The following ITGA10 variants were observed in gnomAD, a reference collection of about 807,000 sequenced individuals.
The protein encoded by ITGA10 is integrin alpha-10.
A neutral mutation model predicts 145.2 loss-of-function variants in ITGA10; 105 were observed. The observed-to-expected ratio is 0.72, with a 90% CI of 0.62 to 0.85. ITGA10 has a LOEUF of 0.85. Ranked by LOEUF, ITGA10 falls within the 40% of genes least tolerant of loss-of-function variation. The pLI, the probability that ITGA10 is intolerant of heterozygous loss-of-function variation, is 0.00. For missense variants in ITGA10, 1,317 were observed against 1,444.5 expected, an observed-to-expected ratio of 0.91 and a Z score of 1.43; for synonymous variants, 506 against 557.8, an observed-to-expected ratio of 0.91 and a Z score of 1.31.
At position 145,901,679 on chromosome 1, in the gene ITGA10, A is replaced by G. The variant is rs782681397; in HGVS notation, c.1295-15T>C. 5.8e-6 allele frequency: 9 copies of G among 1,548,550 alleles called. No homozygotes were observed. The highest frequency in any genetic ancestry group is 2.0e-5 in the Admixed American group (1 of 49,482). On this transcript the variant is annotated splice_polypyrimidine_tract_variant and intron_variant, in intron 11 of 29. Coordinates refer to ENST00000369304, the MANE Select transcript of ITGA10 (RefSeq NM_003637.5). The surrounding 1 kb of genome is among the most constrained non-coding windows in gnomAD (Gnocchi z 4.3). ...AACAGAGTAACCTAGAAGTGGGCAAAGTAACAGAGGTAAAGGAAAAGAAGA... is the reference window on the plus strand; with the variant it reads ...AACAGAGTAACCTAGAAGTGGGCAAGGTAACAGAGGTAAAGGAAAAGAAGA...
Position 145,901,899 on chromosome 1 carries a change from C to T in ITGA10, c.1272G>A (p.Leu424=), listed in dbSNP as rs782820623. The change falls in exon 11 of 30, where the codon TTG becomes TTA. Residue 424 remains leucine (L), a synonymous_variant. Transcript: ENST00000369304. The surrounding 1 kb of genome is among the most constrained non-coding windows in gnomAD (Gnocchi z 4.3). ...CACCCAGGTAGGCTGCATGGTTCTG[C>T]AATGCAGGGGGGAACTCGTCTTCCA... The part of the protein sequence containing the change: ...MALEDEFPPA[L]QNHAAYLGYS... 1 of 1,614,124 alleles carries T rather than the reference C, an allele frequency of 6.2e-7. No homozygotes were observed. The highest frequency in any genetic ancestry group is 1.1e-5 in the South Asian group (1 of 91,082).
chr1:145,908,049 C>T (rs1002380307), intron 1 of ITGA10, among the ~76,000 whole-genome samples: 1 of 152,060 alleles, frequency 6.6e-6, no homozygotes, highest in Non-Finnish European at 1.5e-5. Context: ...GGATTACAGG[C>T]GTGAGCCACC....
In ITGA10 at chr1:145,900,249, G is replaced by A. The variant is rs891731551; in HGVS notation, c.1792-62C>T. 46 of 1,490,970 alleles carry A rather than the reference G, an allele frequency of 3.1e-5. No homozygotes were observed. In the South Asian group the frequency reaches 3.2e-4, roughly 10 times the overall value. 92.4% of individuals were successfully genotyped at this position (1,490,970 alleles called of 1,614,324 possible). A position where few individuals can be genotyped will look rare whatever the true frequency, so the allele number is the denominator to read the frequency against. The stretch of plus-strand genomic sequence containing the variant: ...ATACACCTAGTTTCTCAGGCCTCCT[G>A]CCTTGCTCTTTCTTTTTATTTATTT... On this transcript the variant is annotated intron_variant, in intron 14 of 29. Transcript: ENST00000369304.
At chr1:145,904,398 C>G (rs931711242) in intron 6 of ITGA10, among the ~76,000 whole-genome samples, 198 bp from the exon 7 acceptor site, 2 of 151,924 alleles carry the variant, frequency 1.3e-5, no homozygotes, top group African/African-American at 4.8e-5. Flanking sequence ...GAAATGAGGT[C>G]TCACTCTTTC....
Position 145,903,038 on chromosome 1 carries a change from C to CAT in ITGA10, c.759-78_759-77insAT. ...ACACACACACATACACACACACACACACACACACACACACACACACACACA... is the reference window on the plus strand; with the variant it reads ...ACACACACACATACACACACACACACATACACACACACACACACACACACACA... On this transcript the variant is annotated intron_variant, in intron 7 of 29. Coordinates refer to ENST00000369304, the MANE Select transcript of ITGA10 (RefSeq NM_003637.5). 4 of 898,204 alleles carry CAT rather than the reference C, an allele frequency of 4.5e-6. No individual in the cohort carries two copies. In the South Asian group the frequency reaches 7.7e-5, roughly 17 times the overall value. 55.6% of individuals were successfully genotyped at this position (898,204 alleles called of 1,614,324 possible). A position where few individuals can be genotyped will look rare whatever the true frequency, so the allele number is the denominator to read the frequency against.
chr1:145,907,669 C>G (rs1657344448), intron 1 of ITGA10: 1 of 869,950 alleles, frequency 1.1e-6, no homozygotes, highest in Non-Finnish European at 1.4e-6. Context: ...GATGCCTAAA[C>G]TGTGGCCCTC....
Position 145,895,385 on chromosome 1 carries a change from G to T in ITGA10, c.3123C>A (p.Ser1041Arg), listed in dbSNP as rs587646047. The T allele has an allele frequency of 3.1e-6, 5 of 1,612,872 alleles. No individual in the cohort carries two copies. In the South Asian group the frequency reaches 4.4e-5, roughly 14 times the overall value. ...ELQHTNRLNG[S>R]NTQCQVVRCH... ...ACCTCACCACCTGACACTGAGTATTGCTCCCATTCTAACAGAAGAGACAGA... is the reference window on the plus strand; with the variant it reads ...ACCTCACCACCTGACACTGAGTATTTCTCCCATTCTAACAGAAGAGACAGA... The change falls in exon 27 of 30, where the codon AGC (serine) becomes AGA (arginine). Residue 1041 changes from serine (S) to arginine (R), a missense_variant. Coordinates refer to ENST00000369304, the MANE Select transcript of ITGA10 (RefSeq NM_003637.5).
At position 145,904,018 on chromosome 1, in the gene ITGA10, C is replaced by G. The variant is rs1470688450; in HGVS notation, c.758+34G>C. ...CTAACTCTTCTAAGCCTTCATTGCT[C>G]TAGCCTCCCACACCTGTCTTCCCAA... On this transcript the variant is annotated intron_variant, in intron 7 of 29. Coordinates refer to ENST00000369304, the MANE Select transcript of ITGA10 (RefSeq NM_003637.5). 5.0e-6 allele frequency: 8 copies of G among 1,612,302 alleles called. No individual in the cohort carries two copies. The East Asian group carries it at 1.3e-4, about 27-fold the overall frequency.
intron 6 of ITGA10, 107 bp downstream of exon 6, chr1:145,904,577 A>AT (rs1441676034): frequency 5.0e-6 from 6 of 1,194,660 alleles, no homozygotes; most frequent in Non-Finnish European, 6.0e-6. Flanking sequence ...GTCTCACTGT[A>AT]TTGCCCAGGC....
At position 145,902,877 on chromosome 1, in the gene ITGA10, A is replaced by G. The variant is rs587606746; in HGVS notation, c.843T>C (p.Asp281=). 3 of 1,614,010 alleles carry G rather than the reference A, an allele frequency of 1.9e-6. No individual in the cohort carries two copies. In the African/African-American group the frequency reaches 4.0e-5, roughly 22 times the overall value. The change falls in exon 8 of 30, where the codon GAT becomes GAC. Residue 281 remains aspartate (D), a synonymous_variant. Transcript: ENST00000369304. ...TTAGTGCTGCAGGAAGCTCCTCTCC[A>G]TCATGGGACTCTCCATCAGTGACAA... is the stretch of plus-strand genomic sequence containing the variant. The part of the protein sequence containing the change: ...LVVVTDGESH[D]GEELPAALKA...
In ITGA10 at chr1:145,901,542, C is replaced by T. The variant is rs1553748465; in HGVS notation, c.1417G>A (p.Val473Ile). 6.3e-7 allele frequency: 1 copy of T among 1,591,234 alleles called. No homozygotes were observed. Among genetic ancestry groups the T allele is most frequent in the Admixed American group, 1.8e-5 (1 of 54,806 alleles). Reference protein sequence around the residue: ...FQLKKDGAVRVAQSLQGEQIG... With the variant: ...FQLKKDGAVRIAQSLQGEQIG... Reference sequence around the variant, plus strand: ...TGCTCCCCCTGGAGGCTCTGGGCAACCCTCACAGCCCCATCTTTCTTAAGC... The same window carrying T: ...TGCTCCCCCTGGAGGCTCTGGGCAATCCTCACAGCCCCATCTTTCTTAAGC... Residue 473 changes from valine to isoleucine, a missense_variant, in exon 12 of 30, where the codon GTT (valine) becomes ATT (isoleucine). Physicochemically the swap from Val to Ile is conservative, Grantham distance 29. Transcript: ENST00000369304. This position sits in a 1 kb window ranked among gnomAD's most constrained non-coding sequence, Gnocchi z 4.3.
At chr1:145,899,585 T>G (rs1263215051) in intron 15 of ITGA10, among the ~76,000 whole-genome samples, 3 of 152,008 alleles carry the variant, frequency 2.0e-5, no homozygotes, top group Non-Finnish European at 1.5e-5. Context: ...CTCAGCTCAC[T>G]GCAACCTCTG....
chr1:145,909,460 TTA>T (rs1359849781), intron 1 of ITGA10, among the ~76,000 whole-genome samples: 36 of 138,588 alleles, frequency 2.6e-4, no homozygotes, highest in South Asian at 1.1e-3. Context: ...TAATATATAA[TTA>T]TGTTATATAT....
chr1:145,897,844 A>C lies in ITGA10; in HGVS notation c.2403T>G (p.Leu801=). ...AGCCTCTGATGTCCATATTCACTTG[A>C]AGCACCAGGTCTGTGACACATTCAT... The part of the protein sequence containing the change: ...PDNECVTDLV[L]QVNMDIRGSR... Residue 801 remains leucine (L), a synonymous_variant, in exon 19 of 30, where the codon CTT becomes CTG. Coordinates refer to ENST00000369304, the MANE Select transcript of ITGA10 (RefSeq NM_003637.5). 6.2e-7 allele frequency: 1 copy of C among 1,614,130 alleles called. No homozygotes were observed. Among genetic ancestry groups the C allele is most frequent in the South Asian group, 1.1e-5 (1 of 91,072 alleles).
At chr1:145,903,081 G>A in intron 7 of ITGA10, 120 bp from the exon 8 acceptor site, 6 of 945,070 alleles carry the variant, frequency 6.3e-6, no homozygotes, top group Non-Finnish European at 7.7e-6. Flanking sequence ...TTTAACATCA[G>A]CACTTCCCTG....
Position 145,897,511 on chromosome 1 carries a change from C to A in ITGA10, c.2574+1G>T. 1 of 1,614,000 alleles carries A rather than the reference C, an allele frequency of 6.2e-7. No homozygotes were observed. The highest frequency in any genetic ancestry group is 8.5e-7 in the Non-Finnish European group (1 of 1,179,924). On this transcript the variant is annotated splice_donor_variant, in intron 20 of 29. Coordinates refer to ENST00000369304, the MANE Select transcript of ITGA10 (RefSeq NM_003637.5). LOFTEE classifies it high-confidence loss of function. ...TCCCACACCCCCTCCTCCAAAGGCA[C>A]CTGAGGAGTGAGACTGGCCAGGTGG...
intron 26 of ITGA10, 86 bp from the exon 27 acceptor site, chr1:145,895,479 C>G: frequency 7.3e-7 from 1 of 1,374,578 alleles, no homozygotes; most frequent in Non-Finnish European, 1.0e-6. Context: ...CAGTCTTGTC[C>G]CAAGGCACCT....
At chr1:145,898,382 T>G (rs1655745325) in intron 17 of ITGA10, among the ~76,000 whole-genome samples, 159 bp from the exon 18 acceptor site, 1 of 152,146 alleles carries the variant, frequency 6.6e-6, no homozygotes, top group Non-Finnish European at 1.5e-5. Context: ...TATTTATTTA[T>G]TTTTGAGACA....
chr1:145,895,456 C>A, intron 26 of ITGA10, 63 bp from the exon 27 acceptor site: 1 of 1,439,622 alleles, frequency 6.9e-7, no homozygotes. Context: ...TCTTTCCCCA[C>A]CTCTAGTTCA....
Sources: allele counts gnomAD v4.1 joint callset (sites outside exome capture counted in the v4.1 genomes callset), GRCh38; gene constraint gnomAD v4.1.1; non-coding constraint Gnocchi (gnomAD v3.1); transcripts MANE v1.5; gene names NCBI Gene and HGNC (gene_info 2026-07-23, HGNC 2026-07-21).